Variants in OXR1 observed in about 807,000 individuals in gnomAD.
OXR1 encodes the protein oxidation resistance 1, also known as oxidation resistance protein 1.
A neutral mutation model predicts 104.6 loss-of-function variants in OXR1; 41 were observed. The observed-to-expected ratio is 0.39, with a 90% CI of 0.31 to 0.51. The LOEUF (loss-of-function observed/expected upper bound fraction) is 0.51. Ranked by LOEUF, OXR1 falls within the 20% of genes least tolerant of loss-of-function variation. The pLI is 0.77. For synonymous variants in OXR1, 348 were observed against 348.4 expected (o/e 1.00, Z 0.01); for missense variants, 955 against 1,031.9 (o/e 0.93, Z 1.02).
intron 7 of OXR1, among the ~76,000 whole-genome samples, chr8:106,700,905 C>T (rs1830529910): frequency 6.6e-6 from 1 of 151,648 alleles, no homozygotes; most frequent in Non-Finnish European, 1.5e-5. Context: ...TGCTTGGTTT[C>T]CTTTCTCAAA....
chr8:106,560,942 T>C (rs755566679), intron 3 of OXR1, among the ~76,000 whole-genome samples: 4 of 152,230 alleles, frequency 2.6e-5, no homozygotes, highest in Non-Finnish European at 5.9e-5. Flanking sequence ...AGGGAAGCTG[T>C]GAGGGACTGT....
At chr8:106,361,445 C>T (rs192322914) in intron 2 of OXR1, among the ~76,000 whole-genome samples, 38 of 152,268 alleles carry the variant, frequency 2.5e-4, no homozygotes, top group Non-Finnish European at 4.6e-4. Flanking sequence ...GTGTCACCCC[C>T]ACCATGCAGC....
intron 11 of OXR1, among the ~76,000 whole-genome samples, chr8:106,716,848 A>G (rs1215149186): frequency 1.3e-5 from 2 of 152,130 alleles, no homozygotes; most frequent in Non-Finnish European, 2.9e-5. Context: ...TGTATCTTAC[A>G]TTATATTGCT....
chr8:106,512,030 C>CT (rs2130047189), intron 2 of OXR1, among the ~76,000 whole-genome samples: 1 of 152,212 alleles, frequency 6.6e-6, no homozygotes, highest in South Asian at 2.1e-4. Flanking sequence ...TTCATGTTTG[C>CT]TTTTTCAAAG....
At chr8:106,485,312 A>G (rs148125328) in intron 2 of OXR1, among the ~76,000 whole-genome samples, 78 of 152,186 alleles carry the variant, frequency 5.1e-4, no homozygotes, top group Non-Finnish European at 1.0e-3. Context: ...AATGTAAACT[A>G]TGGACTTTGC....
At chr8:106,273,064 C>T (rs1811881745) in intron 1 of OXR1, among the ~76,000 whole-genome samples, 2 of 152,034 alleles carry the variant, frequency 1.3e-5, no homozygotes, top group South Asian at 2.1e-4. Context: ...ATGAGAGAAT[C>T]TTTTACTCCC....
chr8:106,469,179 T>A (rs777480691), intron 2 of OXR1, among the ~76,000 whole-genome samples: 1 of 151,822 alleles, frequency 6.6e-6, no homozygotes, highest in Non-Finnish European at 1.5e-5. Flanking sequence ...TTCGTATTCA[T>A]ACTCTCTTTC....
chr8:106,730,010 C>T (rs893058367), intron 11 of OXR1, among the ~76,000 whole-genome samples: 2 of 151,646 alleles, frequency 1.3e-5, no homozygotes, highest in Non-Finnish European at 2.9e-5. Context: ...CTTGTGTCAC[C>T]CTCATATTGG....
At chr8:106,354,885 T>A (rs746021985) in intron 1 of OXR1, among the ~76,000 whole-genome samples, 3 of 152,170 alleles carry the variant, frequency 2.0e-5, no homozygotes, top group Non-Finnish European at 4.4e-5. Context: ...AATATAGTAT[T>A]TTTTTTCAGA....
intron 1 of OXR1, among the ~76,000 whole-genome samples, chr8:106,324,043 A>G (rs1428053490): frequency 6.6e-6 from 1 of 152,240 alleles, no homozygotes; most frequent in East Asian, 1.9e-4. Context: ...TCATTTTACC[A>G]TAAAGATGCA....
At chr8:106,369,645 G>C (rs1360334672) in intron 2 of OXR1, among the ~76,000 whole-genome samples, 1 of 152,074 alleles carries the variant, frequency 6.6e-6, no homozygotes, top group South Asian at 2.1e-4. Flanking sequence ...ACAATTTACT[G>C]AATAGGAGAT....
At chr8:106,511,823 C>G (rs1393437521) in intron 2 of OXR1, among the ~76,000 whole-genome samples, 1 of 152,084 alleles carries the variant, frequency 6.6e-6, no homozygotes, top group East Asian at 1.9e-4. Flanking sequence ...CAGAATGTGG[C>G]CTTTGGTTCA....
At chr8:106,292,941 G>A (rs1033293719) in intron 1 of OXR1, among the ~76,000 whole-genome samples, 2 of 152,248 alleles carry the variant, frequency 1.3e-5, no homozygotes, top group Non-Finnish European at 2.9e-5. Flanking sequence ...CTAGAGCAGG[G>A]TAAGAGCAGA....
intron 2 of OXR1, among the ~76,000 whole-genome samples, chr8:106,468,746 A>G (rs926999422): frequency 2.0e-5 from 3 of 151,842 alleles, no homozygotes; most frequent in African/African-American, 7.2e-5. Context: ...AACGGATTGC[A>G]GTTGGACAAG....
intron 2 of OXR1, among the ~76,000 whole-genome samples, chr8:106,498,809 C>T (rs1487070793): frequency 6.6e-6 from 1 of 152,154 alleles, no homozygotes; most frequent in African/African-American, 2.4e-5. Flanking sequence ...GCCATTAGTT[C>T]ATCTCATCGT....
chr8:106,451,433 T>G (rs1273366490), intron 2 of OXR1, among the ~76,000 whole-genome samples: 1 of 152,214 alleles, frequency 6.6e-6, no homozygotes, highest in Admixed American at 6.5e-5. Flanking sequence ...TGGATCAGAA[T>G]AGAGTTAAGA....
At chr8:106,671,760 T>C (rs1222698902) in intron 3 of OXR1, among the ~76,000 whole-genome samples, 2 of 139,162 alleles carry the variant, frequency 1.4e-5, no homozygotes, top group Non-Finnish European at 3.0e-5. Flanking sequence ...TAGGTGGGAA[T>C]TGAAGAACGA....
intron 1 of OXR1, among the ~76,000 whole-genome samples, chr8:106,290,683 A>T (rs1586479541): frequency 6.6e-6 from 1 of 152,204 alleles, no homozygotes; most frequent in Non-Finnish European, 1.5e-5. Context: ...GCCAACACAC[A>T]TATGAAAAAA....
chr8:106,363,178 T>G (rs1054016592), intron 2 of OXR1, among the ~76,000 whole-genome samples: 1 of 152,234 alleles, frequency 6.6e-6, no homozygotes, highest in Non-Finnish European at 1.5e-5. Context: ...CCATGTCCTG[T>G]GCTAAGCACA....
Sources: gnomAD v4.1 joint callset for allele counts (sites outside exome capture counted in the v4.1 genomes callset) on GRCh38, gnomAD v4.1.1 for gene constraint, MANE v1.5 for transcripts, NCBI Gene and HGNC (gene_info 2026-07-23, HGNC 2026-07-21) for gene names.